CALN1: variants seen among roughly 807,000 people sequenced by gnomAD.
CALN1 encodes calcium-binding protein 8.
In CALN1, 17 loss-of-function variants were observed where a neutral mutation model predicts 30.6. The observed-to-expected ratio is 0.56, with a 90% confidence interval of 0.38 to 0.83. The LOEUF is 0.83. CALN1 is among the 40% of genes least tolerant of loss of function. CALN1 has a pLI of 0.00. For synonymous variants in CALN1, 156 were observed against 131.4 expected (o/e 1.19, Z -1.28); for missense variants, 291 against 354.9 (o/e 0.82, Z 1.45).
In CALN1 at chr7:72,338,582, CTTTAGCA is replaced by C. The variant is rs543893697; in HGVS notation, c.120-59779_120-59773del. Among the ~76,000 whole-genome samples, 107 of 147,902 alleles carry C rather than the reference CTTTAGCA, an allele frequency of 7.2e-4. 1 individual carries two copies. In the East Asian group the frequency reaches 0.018, roughly 24 times the overall value. On this transcript the variant is annotated intron_variant, in intron 2 of 6. Coordinates refer to ENST00000395275, the MANE Select transcript of CALN1 (RefSeq NM_031468.4). Reference sequence around the variant, plus strand: ...GAGGCACTCATTGTGGGTGCCACGCCTTTAGCATTTAGCATTTCCTAACCTGTATTAT... The same window carrying C: ...GAGGCACTCATTGTGGGTGCCACGCCTTTAGCATTTCCTAACCTGTATTAT...
At chr7:71,902,270 A>AACCAACC (rs1240817111) in intron 5 of CALN1, among the ~76,000 whole-genome samples, 4 of 112,554 alleles carry the variant, frequency 3.6e-5, no homozygotes, top group African/African-American at 1.4e-4. Context: ...CCAACCAATC[A>AACCAACC]AAAAAAAAAA....
intron 4 of CALN1, among the ~76,000 whole-genome samples, chr7:72,045,307 C>G (rs1431394808): frequency 6.6e-6 from 1 of 152,132 alleles, no homozygotes; most frequent in African/African-American, 2.4e-5. Flanking sequence ...ATCCAGGCAC[C>G]CAGACAACCA....
chr7:72,283,543 A>G (rs890044833), intron 2 of CALN1, among the ~76,000 whole-genome samples: 1 of 152,158 alleles, frequency 6.6e-6, no homozygotes, highest in Non-Finnish European at 1.5e-5. Context: ...CTCTAAAAAG[A>G]TAAGATATGG....
intron 3 of CALN1, among the ~76,000 whole-genome samples, chr7:72,225,426 G>A (rs1470296058): frequency 6.6e-6 from 1 of 151,948 alleles, no homozygotes; most frequent in East Asian, 2.0e-4. Flanking sequence ...CCCCAAAAAG[G>A]GCCACTTACA....
chr7:71,906,226 C>A (rs1584485959), intron 5 of CALN1, among the ~76,000 whole-genome samples: 3 of 152,278 alleles, frequency 2.0e-5, no homozygotes, highest in Admixed American at 2.0e-4. Context: ...CTCTGGTGAT[C>A]ATTCCTATAA....
rs41272939 is a variant in CALN1 at position 71,787,986 on chromosome 7, T to G, written c.659-84A>C. 4,730 of 1,582,554 alleles carry G rather than the reference T, an allele frequency of 3.0e-3. 10 individuals are homozygous for G. The highest frequency in any genetic ancestry group is 3.8e-3 in the Non-Finnish European group (4,434 of 1,161,468). ...AGAGAAATAACACAGTGAGATAGGT[T>G]GCAACTCTTCCTCAACAGGCCAGCA... On this transcript the variant is annotated intron_variant, in intron 6 of 6. Coordinates refer to ENST00000395275, the MANE Select transcript of CALN1 (RefSeq NM_031468.4).
chr7:72,393,244 G>T (rs376143754), intron 2 of CALN1, among the ~76,000 whole-genome samples: 12 of 152,226 alleles, frequency 7.9e-5, no homozygotes, highest in African/African-American at 2.6e-4. Flanking sequence ...GAGGCGTGTG[G>T]ATCATGAGGC....
At chr7:72,500,222 C>T in the CALN1 span, among the ~76,000 whole-genome samples, 1 of 134,108 alleles carries the variant, frequency 7.5e-6, no homozygotes, top group African/African-American at 2.7e-5. Context: ...TCAGCTGAAA[C>T]TTTCTGTGTC....
chr7:71,961,299 C>T (rs895086389), intron 5 of CALN1, among the ~76,000 whole-genome samples: 1 of 152,140 alleles, frequency 6.6e-6, no homozygotes, highest in African/African-American at 2.4e-5. Context: ...GGAATCAAAC[C>T]GAGCTTACAT....
intron 2 of CALN1, among the ~76,000 whole-genome samples, chr7:72,352,421 A>G (rs1265819056): frequency 6.9e-6 from 1 of 144,702 alleles, no homozygotes; most frequent in Non-Finnish European, 1.5e-5. Context: ...TTGAGATTTT[A>G]AAGTTATCAA....
At chr7:72,236,284 GTTGAC>G (rs781361220) in intron 3 of CALN1, among the ~76,000 whole-genome samples, 86 of 152,234 alleles carry the variant, frequency 5.6e-4, no homozygotes, top group Non-Finnish European at 1.1e-3. Context: ...TTAAGGAAGA[GTTGAC>G]TTGGCTTGTA....
rs76862361 is a variant in CALN1, at chr7:71,968,413, T to G, written c.501+55244A>C. On this transcript the variant is annotated intron_variant, in intron 5 of 6. Transcript: ENST00000395275. ...ACTGACTCCAAAGGTACATGAGGCC[T>G]TCTTTGGAGTGACAGAAATACTCTC... is the stretch of plus-strand genomic sequence containing the variant. Among the ~76,000 whole-genome samples the G allele has an allele frequency of 5.3e-3, 806 of 152,298 alleles. 9 individuals carry two copies. Among genetic ancestry groups the G allele is most frequent in the African/African-American group, 0.018 (766 of 41,580 alleles).
chr7:72,036,164 T>C lies in CALN1; in HGVS notation c.389-12395A>G, dbSNP rs139707077. Among the ~76,000 whole-genome samples the C allele has an allele frequency of 5.2e-3, 795 of 152,346 alleles. 5 individuals are homozygous for C. In the Middle Eastern group the frequency reaches 0.058, roughly 11 times the overall value. On this transcript the variant is annotated intron_variant, in intron 4 of 6. Transcript: ENST00000395275. ...TTTTTCTTTTATCATTTTGAACATATCAGCCCACTGCCTTCTGGCATCCAA... is the reference window on the plus strand; with the variant it reads ...TTTTTCTTTTATCATTTTGAACATACCAGCCCACTGCCTTCTGGCATCCAA...
intron 3 of CALN1, among the ~76,000 whole-genome samples, chr7:72,179,286 G>A (rs1295467812): frequency 6.6e-6 from 1 of 152,148 alleles, no homozygotes; most frequent in Admixed American, 6.5e-5. Context: ...ATTTGCATGA[G>A]GACTAATATG....
chr7:71,887,652 G>A (rs1351182818), intron 5 of CALN1, among the ~76,000 whole-genome samples: 1 of 152,118 alleles, frequency 6.6e-6, no homozygotes, highest in Non-Finnish European at 1.5e-5. Flanking sequence ...CATAGGGGGA[G>A]GGAGATTAGA....
intron 2 of CALN1, among the ~76,000 whole-genome samples, chr7:72,283,246 C>G (rs746028202): frequency 3.3e-4 from 50 of 152,020 alleles, no homozygotes; most frequent in Non-Finnish European, 6.2e-4. Context: ...GATAAACGGC[C>G]AGGCATGGTG....
chr7:72,476,936 C>T, the CALN1 span, among the ~76,000 whole-genome samples: 11 of 152,176 alleles, frequency 7.2e-5, no homozygotes, highest in African/African-American at 9.7e-5. Context: ...CGTCGCCAGG[C>T]GCCGTGGCTC....
At chr7:71,814,109 T>A (rs1431853586) in intron 5 of CALN1, among the ~76,000 whole-genome samples, 1 of 151,894 alleles carries the variant, frequency 6.6e-6, no homozygotes, top group Non-Finnish European at 1.5e-5. Context: ...TCATCCAGGG[T>A]CACTTCTAGG....
At chr7:72,217,664 C>G (rs541607678) in intron 3 of CALN1, among the ~76,000 whole-genome samples, 1 of 151,794 alleles carries the variant, frequency 6.6e-6, no homozygotes, top group African/African-American at 2.4e-5. Flanking sequence ...AAAGACCCAA[C>G]TGACAAACTT....
Sources: allele counts gnomAD v4.1 joint callset (sites outside exome capture counted in the v4.1 genomes callset), GRCh38; gene constraint gnomAD v4.1.1; transcripts MANE v1.5; gene names NCBI Gene and HGNC (gene_info 2026-07-23, HGNC 2026-07-21).